Variants in AKAP8L observed in about 807,000 individuals in gnomAD.
AKAP8L encodes the protein A-kinase anchoring protein 8 like.
A neutral mutation model predicts 77.5 loss-of-function variants in AKAP8L; 34 were observed. That is an observed-to-expected ratio of 0.44 (90% CI 0.33 to 0.58). The LOEUF (loss-of-function observed/expected upper bound fraction) is 0.58, where lower values mean the gene tolerates loss of function less well. Among genes scored for constraint, AKAP8L ranks in the 20% least tolerant of loss-of-function variants. The pLI is 0.02. For missense variants in AKAP8L, 806 were observed against 887.6 expected, an observed-to-expected ratio of 0.91 and a Z score of 1.17; for synonymous variants, 342 against 340.7, an observed-to-expected ratio of 1.00 and a Z score of -0.04.
rs1031030446 is a variant in AKAP8L, at chr19:15,410,680, C to T, written c.14-86G>A. 8.5e-6 allele frequency: 9 copies of T among 1,056,732 alleles called. No individual in the cohort carries two copies. The African/African-American group carries it at 1.3e-4, about 15-fold the overall frequency. The allele number at this position is 1,056,732 out of a possible 1,614,324, so 65.5% of individuals were successfully genotyped here. ...CTACCTAACCTTTGGTATAGGATTG[C>T]CAGCAGGCCCTTCTCTCAACGAAAA... On this transcript the variant is annotated intron_variant, in intron 1 of 13. Coordinates refer to ENST00000397410, the MANE Select transcript of AKAP8L (RefSeq NM_014371.4).
Position 15,380,601 on chromosome 19 carries a change from C to G in AKAP8L, c.1548G>C (p.Glu516Asp). 6.2e-7 allele frequency: 1 copy of G among 1,613,642 alleles called. No homozygotes were observed. Among genetic ancestry groups the G allele is most frequent in the Non-Finnish European group, 8.5e-7 (1 of 1,179,868 alleles). ...CCATGAGGGAGGACTTCTTGGACTG[C>G]TCCATCATGAGCTGCGGGCAGGGCA... ...DHNRNRRLMM[E>D]QSKKSSLMVA... The change falls in exon 13 of 14, where the codon GAG becomes GAC. Residue 516 changes from glutamate (E) to aspartate (D), a missense_variant. By Grantham distance (45) the Glu-to-Asp change is conservative (BLOSUM62 2). This residue lies in a region of AKAP8L where 226 missense variants were observed against 193.5 expected (regional missense o/e 1.17). Transcript: ENST00000397410.
rs761184393 is a variant in AKAP8L, at chr19:15,401,438, G to A, written c.528C>T (p.Phe176=). The change falls in exon 5 of 14, where the codon TTC becomes TTT. Residue 176 remains phenylalanine, a synonymous_variant. Coordinates refer to ENST00000397410, the MANE Select transcript of AKAP8L (RefSeq NM_014371.4). The surrounding 1 kb of genome is among the most constrained non-coding windows in gnomAD (Gnocchi z 6.2). ...DQFRMRGNDT[F]GPRAQGWARD... is the part of the protein sequence containing the mutation. ...GGGCCCAGCCCTGTGCCCTGGGACC[G>A]AAGGTGTCGTTGCCACGCATGCGGA... 2.5e-5 allele frequency: 40 copies of A among 1,613,504 alleles called. No homozygotes were observed. Among genetic ancestry groups the A allele is most frequent in the Non-Finnish European group, 3.1e-5 (37 of 1,179,894 alleles).
At chr19:15,381,468 G>C (rs991535769) in intron 12 of AKAP8L, among the ~76,000 whole-genome samples, 3 of 152,150 alleles carry the variant, frequency 2.0e-5, no homozygotes, top group Admixed American at 2.0e-4. Flanking sequence ...CATGGTGGGA[G>C]TACAGGCAAA....
chr19:15,380,088 C>A lies in AKAP8L; in HGVS notation c.*34G>T, dbSNP rs1337156302. On this transcript the variant is annotated 3_prime_UTR_variant, in exon 14 of 14. Transcript: ENST00000397410. Reference sequence around the variant, plus strand: ...CTTTATTAGGTTTGGTTTCCAGCTTCGGCCACGCGGGCTCCGCCCGCCCCG... The same window carrying A: ...CTTTATTAGGTTTGGTTTCCAGCTTAGGCCACGCGGGCTCCGCCCGCCCCG... 6.9e-7 allele frequency: 1 copy of A among 1,449,652 alleles called. No individual in the cohort carries two copies. Among genetic ancestry groups the A allele is most frequent in the African/African-American group, 1.5e-5 (1 of 66,390 alleles). 89.8% of individuals were successfully genotyped at this position (1,449,652 alleles called of 1,614,324 possible).
chr19:15,380,207 A>G lies in AKAP8L; in HGVS notation c.1856T>C (p.Leu619Pro). The G allele has an allele frequency of 6.6e-7, 1 of 1,508,286 alleles. No individual in the cohort carries two copies. The highest frequency in any genetic ancestry group is 8.8e-7 in the Non-Finnish European group (1 of 1,136,914). The allele number at this position is 1,508,286 out of a possible 1,614,324, so 93.4% of individuals were successfully genotyped here. A position where few individuals can be genotyped will look rare whatever the true frequency, so the allele number is the denominator to read the frequency against. Residue 619 changes from leucine to proline, a missense_variant, in exon 14 of 14, where the codon CTG becomes CCG. This residue lies in a region of AKAP8L where 226 missense variants were observed against 193.5 expected (regional missense o/e 1.17). Transcript: ENST00000397410. ...GATCTGGCGTTGCAGCGCCCCTCCCAGCAAGGGCACGGCGCCCTCCTCCTC... is the reference window on the plus strand; with the variant it reads ...GATCTGGCGTTGCAGCGCCCCTCCCGGCAAGGGCACGGCGCCCTCCTCCTC... ...EEEEEGAVPL[L>P]GGALQRQIRG...
At chr19:15,386,906 A>T (rs1967550572) in intron 12 of AKAP8L, among the ~76,000 whole-genome samples, 1 of 152,050 alleles carries the variant, frequency 6.6e-6, no homozygotes, top group Non-Finnish European at 1.5e-5. Flanking sequence ...TGATCTGCCC[A>T]CCTTGGCCTC....
chr19:15,381,791 C>G (rs772476336), intron 12 of AKAP8L: 1 of 152,242 alleles, frequency 6.6e-6, no homozygotes, highest in Non-Finnish European at 1.5e-5. Flanking sequence ...GCCCAGATAA[C>G]CACACCATAA....
Position 15,401,298 on chromosome 19 carries a change from G to A in AKAP8L, c.668C>T (p.Ser223Phe). The change falls in exon 5 of 14, where the codon TCC (serine) becomes TTC (phenylalanine). Residue 223 changes from serine (S) to phenylalanine (F), a missense_variant. Physicochemically the swap from Ser to Phe is radical, Grantham distance 155 (BLOSUM62 -2). Around this residue, in one of 2 missense-constraint regions of AKAP8L, gnomAD observed 580 missense variants for 694.1 expected, o/e 0.84. Coordinates refer to ENST00000397410, the MANE Select transcript of AKAP8L (RefSeq NM_014371.4). The surrounding 1 kb of genome is among the most constrained non-coding windows in gnomAD (Gnocchi z 6.2). Reference protein sequence around the residue: ...SGASRLPSLFSQNIIPEYGMF... With the variant: ...SGASRLPSLFFQNIIPEYGMF... ...GCCGTACTCGGGGATGATGTTCTGG[G>A]AGAAGAGGGAGGGCAGCCGAGAGGC... 2 of 1,613,630 alleles carry A rather than the reference G, an allele frequency of 1.2e-6. No individual in the cohort carries two copies. The highest frequency in any genetic ancestry group is 1.7e-6 in the Non-Finnish European group (2 of 1,179,892).
rs547964347 is a variant in AKAP8L at position 15,413,340 on chromosome 19, C to T, written c.14-2746G>A. Among the ~76,000 whole-genome samples, 13 of 152,288 alleles carry T rather than the reference C, an allele frequency of 8.5e-5. No homozygotes were observed. The East Asian group carries it at 2.5e-3, about 29-fold the overall frequency. ...AATTAATCTATTTAAATACAAGGTGCTTCCCCAGACCCCACGTGACTTCTC... is the reference window on the plus strand; with the variant it reads ...AATTAATCTATTTAAATACAAGGTGTTTCCCCAGACCCCACGTGACTTCTC... On this transcript the variant is annotated intron_variant, in intron 1 of 13. Coordinates refer to ENST00000397410, the MANE Select transcript of AKAP8L (RefSeq NM_014371.4).
rs1967850973 is a variant in AKAP8L at position 15,399,675 on chromosome 19, G to T, written c.1049-265C>A. Reference sequence around the variant, plus strand: ...CTCTCTGTGCAGTGGGCCAGGAGGAGGCTGGAAAGCAAAGAGGGGGTATCT... The same window carrying T: ...CTCTCTGTGCAGTGGGCCAGGAGGATGCTGGAAAGCAAAGAGGGGGTATCT... On this transcript the variant is annotated intron_variant, in intron 8 of 13. Transcript: ENST00000397410. The surrounding 1 kb of genome is among the most constrained non-coding windows in gnomAD (Gnocchi z 6.1). The T allele has an allele frequency of 6.0e-6, 3 of 500,736 alleles. No homozygotes were observed. Among genetic ancestry groups the T allele is most frequent in the Non-Finnish European group, 1.1e-5 (3 of 276,174 alleles). The allele number at this position is 500,736 out of a possible 1,614,324, so 31.0% of individuals were successfully genotyped here. A position where few individuals can be genotyped will look rare whatever the true frequency, so the allele number is the denominator to read the frequency against.
chr19:15,380,717 C>A lies in AKAP8L; in HGVS notation c.1537-105G>T. Reference sequence around the variant, plus strand: ...GGACCCCACCCCGCCCCTGCACCCACGCACTTCCAGCCCCACCAACGGAGG... The same window carrying A: ...GGACCCCACCCCGCCCCTGCACCCAAGCACTTCCAGCCCCACCAACGGAGG... On this transcript the variant is annotated intron_variant, in intron 12 of 13. Transcript: ENST00000397410. 4 of 985,492 alleles carry A rather than the reference C, an allele frequency of 4.1e-6. No homozygotes were observed. In the South Asian group the frequency reaches 5.6e-5, roughly 14 times the overall value. The allele number at this position is 985,492 out of a possible 1,614,324, so 61.0% of individuals were successfully genotyped here.
In AKAP8L at chr19:15,397,022, C is replaced by T. The variant is rs1488260354; in HGVS notation, c.1536+128G>A. On this transcript the variant is annotated intron_variant, in intron 12 of 13. Coordinates refer to ENST00000397410, the MANE Select transcript of AKAP8L (RefSeq NM_014371.4). This position sits in a 1 kb window ranked among gnomAD's most constrained non-coding sequence, Gnocchi z 4.7. The stretch of plus-strand genomic sequence containing the variant: ...GCTGCCTGCACTGAGCTGGAAATGT[C>T]CATATCCACCTCCTCCTGCCTCCAC... 42 of 1,312,414 alleles carry T rather than the reference C, an allele frequency of 3.2e-5. No homozygotes were observed. Among genetic ancestry groups the T allele is most frequent in the Non-Finnish European group, 4.1e-5 (39 of 939,774 alleles). 81.3% of individuals were successfully genotyped at this position (1,312,414 alleles called of 1,614,324 possible).
At chr19:15,416,037 G>C (rs1282344434) in intron 1 of AKAP8L, among the ~76,000 whole-genome samples, 1 of 151,866 alleles carries the variant, frequency 6.6e-6, no homozygotes, top group East Asian at 1.9e-4. Flanking sequence ...ATGTTGCCCA[G>C]GCTCATCTCA....
At chr19:15,385,693 G>A (rs1967519862) in intron 12 of AKAP8L, among the ~76,000 whole-genome samples, 1 of 150,880 alleles carries the variant, frequency 6.6e-6, no homozygotes, top group African/African-American at 2.4e-5. Flanking sequence ...TCAACCTCCT[G>A]GGCTCAGGTG....
intron 12 of AKAP8L, among the ~76,000 whole-genome samples, chr19:15,394,613 AACTT>A (rs1167934165): frequency 6.6e-6 from 1 of 151,890 alleles, no homozygotes; most frequent in Non-Finnish European, 1.5e-5. Context: ...GTGCAATCAT[AACTT>A]ACTGTAACCT....
In AKAP8L at chr19:15,403,917, C is replaced by T; in HGVS notation, c.121+93G>A. The T allele has an allele frequency of 6.8e-7, 1 of 1,475,930 alleles. No homozygotes were observed. Among genetic ancestry groups the T allele is most frequent in the Non-Finnish European group, 9.4e-7 (1 of 1,064,752 alleles). 91.4% of individuals were successfully genotyped at this position (1,475,930 alleles called of 1,614,324 possible). Reference sequence around the variant, plus strand: ...TAACCCCAGAAACATGCCCCCTCCCCACTCCCAACCTTGGCCAAGCAGGGC... The same window carrying T: ...TAACCCCAGAAACATGCCCCCTCCCTACTCCCAACCTTGGCCAAGCAGGGC... On this transcript the variant is annotated intron_variant, in intron 3 of 13. Transcript: ENST00000397410. The surrounding 1 kb of genome is among the most constrained non-coding windows in gnomAD (Gnocchi z 4.3).
chr19:15,383,698 G>A (rs1378409044), intron 12 of AKAP8L: 1 of 152,066 alleles, frequency 6.6e-6, no homozygotes, highest in Non-Finnish European at 1.5e-5. Context: ...CAGCTTTGTA[G>A]TAAGTTTTAG....
chr19:15,380,250 G>GCGGTGGCGGCGA lies in AKAP8L; in HGVS notation c.1801_1812dup (p.Ser601_Pro604dup). 1 of 1,497,606 alleles carries GCGGTGGCGGCGA rather than the reference G, an allele frequency of 6.7e-7. No individual in the cohort carries two copies. Among genetic ancestry groups the GCGGTGGCGGCGA allele is most frequent in the Middle Eastern group, 2.1e-4 (1 of 4,670 alleles). The allele number at this position is 1,497,606 out of a possible 1,614,324, so 92.8% of individuals were successfully genotyped here. A position where few individuals can be genotyped will look rare whatever the true frequency, so the allele number is the denominator to read the frequency against. ...TCCTCCTCCTCCTCTGGGGGCGGCG[G>GCGGTGGCGGCGA]CGGTGGCGGCGACACGGCCCCGGGG... is the stretch of plus-strand genomic sequence containing the variant. On this transcript the variant is annotated inframe_insertion, in exon 14 of 14. Transcript: ENST00000397410.
In AKAP8L at chr19:15,380,361, C is replaced by A. The variant is rs1427647276; in HGVS notation, c.1702G>T (p.Asp568Tyr). Residue 568 changes from aspartate to tyrosine, a missense_variant, in exon 14 of 14, where the codon GAC becomes TAC. By Grantham distance (160) the Asp-to-Tyr change is radical. This residue lies in a region of AKAP8L where 226 missense variants were observed against 193.5 expected (regional missense o/e 1.17). Transcript: ENST00000397410. ...GCCGCTTCGCCCTGCGCCCCCTCGT[C>A]CAGGGCACCGCCCTCAGCCTCCTCC... Reference protein sequence around the residue: ...EQEEAEGGALDEGAQGEAAGI... With the variant: ...EQEEAEGGALYEGAQGEAAGI... 1.3e-6 allele frequency: 2 copies of A among 1,560,110 alleles called. No homozygotes were observed. The highest frequency in any genetic ancestry group is 2.7e-5 in the African/African-American group (2 of 73,914).
Sources: allele counts gnomAD v4.1 joint callset (sites outside exome capture counted in the v4.1 genomes callset), GRCh38; gene constraint gnomAD v4.1.1; regional missense constraint gnomAD v4.1.1; non-coding constraint Gnocchi (gnomAD v3.1); transcripts MANE v1.5; gene names NCBI Gene and HGNC (gene_info 2026-07-23, HGNC 2026-07-21).